Variants in STPG2 observed in about 807,000 individuals in gnomAD.
The protein encoded by STPG2 is sperm tail PG-rich repeat containing 2, also known as sperm-tail PG-rich repeat-containing protein 2.
Under a neutral mutation model 54.2 loss-of-function variants are expected in STPG2, and 56 were observed. That is an observed-to-expected ratio of 1.03 (90% CI 0.83 to 1.29). The LOEUF is 1.29. Among genes scored for constraint, STPG2 ranks in the 50% most tolerant of loss-of-function variants. The probability of loss-of-function intolerance (pLI) is 0.00; values close to 1 mark genes in which losing one functional copy is unlikely to be tolerated. For synonymous variants in STPG2, 200 were observed against 181.8 expected, an observed-to-expected ratio of 1.10 and a Z score of -0.81; for missense variants, 596 against 544.9, an observed-to-expected ratio of 1.09 and a Z score of -0.93.
At chr4:97,633,601 A>C (rs1436782556) in intron 10 of STPG2, 1 of 152,142 alleles carries the variant, frequency 6.6e-6, no homozygotes, top group Non-Finnish European at 1.5e-5. Flanking sequence ...CTCACTAGGG[A>C]GTGCCAGACA....
At chr4:97,701,526 G>A (rs1439555928) in intron 10 of STPG2, among the ~76,000 whole-genome samples, 1 of 152,150 alleles carries the variant, frequency 6.6e-6, no homozygotes, top group Non-Finnish European at 1.5e-5. Flanking sequence ...ATAAATTGTT[G>A]GTAGTGTAGT....
chr4:97,914,420 C>A (rs1328678338), intron 8 of STPG2, among the ~76,000 whole-genome samples: 9 of 152,046 alleles, frequency 5.9e-5, no homozygotes, highest in Non-Finnish European at 1.3e-4. Flanking sequence ...TTTTTTTTAA[C>A]TTTTTTTATT....
chr4:97,760,359 A>T (rs886653285), intron 9 of STPG2, among the ~76,000 whole-genome samples: 1 of 152,190 alleles, frequency 6.6e-6, no homozygotes, highest in East Asian at 1.9e-4. Context: ...CCACTGTGCT[A>T]TAAGTACCTT....
intron 9 of STPG2, among the ~76,000 whole-genome samples, chr4:97,730,583 C>A (rs1199037703): frequency 6.6e-6 from 1 of 152,152 alleles, no homozygotes; most frequent in East Asian, 1.9e-4. Flanking sequence ...CTCCAAACTG[C>A]TCTCCACAGT....
intron 5 of STPG2, among the ~76,000 whole-genome samples, chr4:97,990,752 G>C (rs1466953726): frequency 6.6e-6 from 1 of 151,998 alleles, no homozygotes; most frequent in Non-Finnish European, 1.5e-5. Flanking sequence ...GGTTATTTAT[G>C]GCATCTTTTC....
intron 9 of STPG2, among the ~76,000 whole-genome samples, chr4:97,828,208 G>A (rs992339930): frequency 3.9e-5 from 6 of 152,120 alleles, no homozygotes; most frequent in Non-Finnish European, 7.4e-5. Context: ...CATTGGGACT[G>A]GGTGGACAGT....
chr4:98,007,085 A>C (rs1735599793), intron 5 of STPG2, among the ~76,000 whole-genome samples: 1 of 152,186 alleles, frequency 6.6e-6, no homozygotes, highest in South Asian at 2.1e-4. Flanking sequence ...CCAAGGCTGA[A>C]TGTAAAACCC....
At chr4:98,047,097 G>A (rs1388033570) in intron 5 of STPG2, among the ~76,000 whole-genome samples, 1 of 152,074 alleles carries the variant, frequency 6.6e-6, no homozygotes, top group Non-Finnish European at 1.5e-5. Context: ...CTAGCCAGAA[G>A]GAGTAGCCAC....
chr4:98,056,040 G>C (rs1415962969), intron 5 of STPG2, among the ~76,000 whole-genome samples: 1 of 152,090 alleles, frequency 6.6e-6, no homozygotes, highest in Non-Finnish European at 1.5e-5. Flanking sequence ...TCACTTTGCT[G>C]GTATGTGTCT....
intron 8 of STPG2, among the ~76,000 whole-genome samples, chr4:97,866,219 A>G (rs1729772962): frequency 6.6e-6 from 1 of 152,010 alleles, no homozygotes; most frequent in Non-Finnish European, 1.5e-5. Context: ...ACAATAATGT[A>G]TTGTACATTT....
chr4:97,585,121 A>C (rs111790638), intron 10 of STPG2, among the ~76,000 whole-genome samples: 2 of 119,788 alleles, frequency 1.7e-5, no homozygotes, highest in Non-Finnish European at 3.0e-5. Flanking sequence ...AAAAAAAAAA[A>C]AAACAAAACT....
intron 9 of STPG2, among the ~76,000 whole-genome samples, chr4:97,793,370 T>TATAC (rs1316581246): frequency 4.8e-4 from 71 of 147,974 alleles, no homozygotes; most frequent in East Asian, 2.0e-3. Context: ...GTTTTATATA[T>TATAC]ACACACACAC....
At chr4:97,760,869 G>T (rs1236395325) in intron 9 of STPG2, among the ~76,000 whole-genome samples, 1 of 152,086 alleles carries the variant, frequency 6.6e-6, no homozygotes, top group Non-Finnish European at 1.5e-5. Context: ...ATTTCTTTCA[G>T]GAGGCTCTAG....
chr4:97,524,913 C>A, intron 4 of STPG2, among the ~76,000 whole-genome samples: 1 of 151,928 alleles, frequency 6.6e-6, no homozygotes, highest in Admixed American at 6.6e-5. Flanking sequence ...CTGATTGAAA[C>A]ATCAAGTTGA....
intron 9 of STPG2, among the ~76,000 whole-genome samples, chr4:97,786,924 T>C (rs950220525): frequency 2.0e-5 from 3 of 152,124 alleles, no homozygotes; most frequent in African/African-American, 7.2e-5. Context: ...TATATATAGG[T>C]ATGTATCTAT....
At chr4:97,736,888 G>A (rs1224308445) in intron 9 of STPG2, among the ~76,000 whole-genome samples, 1 of 152,192 alleles carries the variant, frequency 6.6e-6, no homozygotes, top group Non-Finnish European at 1.5e-5. Context: ...GGAGATCTGA[G>A]AATGGGCAGA....
intron 10 of STPG2, among the ~76,000 whole-genome samples, chr4:97,640,859 G>T (rs1413439410): frequency 6.6e-6 from 1 of 151,450 alleles, no homozygotes; most frequent in Non-Finnish European, 1.5e-5. Flanking sequence ...GTCAAAGGAT[G>T]GGTGGGAAAA....
chr4:97,694,266 C>T (rs1159034676), intron 10 of STPG2, among the ~76,000 whole-genome samples: 1 of 151,656 alleles, frequency 6.6e-6, no homozygotes, highest in Non-Finnish European at 1.5e-5. Context: ...ATTGATAGAC[C>T]ATTGGTGAGA....
chr4:97,833,761 C>A (rs687795), intron 9 of STPG2, among the ~76,000 whole-genome samples: 4 of 151,830 alleles, frequency 2.6e-5, no homozygotes, highest in African/African-American at 9.7e-5. Context: ...AAACAAAAAA[C>A]CTCGTCATCA....
Sources: gnomAD v4.1 joint callset for allele counts (sites outside exome capture counted in the v4.1 genomes callset) on GRCh38, gnomAD v4.1.1 for gene constraint, MANE v1.5 for transcripts, NCBI Gene and HGNC (gene_info 2026-07-23, HGNC 2026-07-21) for gene names.